The following CPNE8 variants were observed in gnomAD, a reference collection of about 807,000 sequenced individuals.
The protein encoded by CPNE8 is copine-8.
A neutral mutation model predicts 81.5 loss-of-function variants in CPNE8; 45 were observed. The observed-to-expected ratio is 0.55, with a 90% CI of 0.44 to 0.71. The LOEUF (loss-of-function observed/expected upper bound fraction) is 0.71, where lower values mean the gene tolerates loss of function less well. Among genes scored for constraint, CPNE8 ranks in the 30% least tolerant of loss-of-function variants. The probability of loss-of-function intolerance (pLI) is 0.00; values close to 1 mark genes in which losing one functional copy is unlikely to be tolerated. For missense variants in CPNE8, 594 were observed against 672.1 expected (o/e 0.88, Z 1.28); for synonymous variants, 252 against 226.3 (o/e 1.11, Z -1.02).
intron 19 of CPNE8, among the ~76,000 whole-genome samples, chr12:38,656,102 TA>T (rs34646191): frequency 1.8e-4 from 25 of 141,890 alleles, no homozygotes; most frequent in Admixed American, 2.1e-4. Context: ...ATCAAAGAGG[TA>T]AAAAAAAAAC....
At chr12:38,701,881 G>A (rs143382229) in intron 14 of CPNE8, among the ~76,000 whole-genome samples, 125 of 152,258 alleles carry the variant, frequency 8.2e-4, no homozygotes, top group African/African-American at 1.3e-3. Context: ...CAGAAAGAAC[G>A]TGACATGCAG....
chr12:38,711,634 A>G (rs747102914), intron 13 of CPNE8, among the ~76,000 whole-genome samples: 8 of 151,930 alleles, frequency 5.3e-5, no homozygotes, highest in Non-Finnish European at 1.0e-4. Context: ...ACGCCCAGAT[A>G]ACTGTTGTAT....
At chr12:38,660,121 G>C (rs1165641165) in intron 19 of CPNE8, among the ~76,000 whole-genome samples, 1 of 152,100 alleles carries the variant, frequency 6.6e-6, no homozygotes, top group Non-Finnish European at 1.5e-5. Flanking sequence ...CTACTTTAAA[G>C]TTCCTATGGA....
At chr12:38,678,245 C>T (rs868266443) in intron 16 of CPNE8, among the ~76,000 whole-genome samples, 8 of 151,730 alleles carry the variant, frequency 5.3e-5, no homozygotes, top group African/African-American at 1.5e-4. Context: ...AAAGATGAGA[C>T]GGAGAGTTAT....
chr12:38,825,380 T>C (rs2137014052), intron 6 of CPNE8, among the ~76,000 whole-genome samples: 1 of 152,076 alleles, frequency 6.6e-6, no homozygotes, highest in South Asian at 2.1e-4. Flanking sequence ...AGTTAAAAAG[T>C]AAAAAAAGTG....
intron 10 of CPNE8, among the ~76,000 whole-genome samples, chr12:38,737,737 G>C (rs1305064401): frequency 6.6e-6 from 1 of 151,952 alleles, no homozygotes; most frequent in Non-Finnish European, 1.5e-5. Context: ...CTGGAACACA[G>C]AGAGTCCATA....
chr12:38,850,114 C>T (rs900822037), intron 3 of CPNE8, among the ~76,000 whole-genome samples: 3 of 152,056 alleles, frequency 2.0e-5, no homozygotes, highest in African/African-American at 4.8e-5. Context: ...TGGCAGTGCT[C>T]GCGTACTTCA....
intron 1 of CPNE8, among the ~76,000 whole-genome samples, chr12:38,895,377 T>C (rs1390398681): frequency 6.6e-6 from 1 of 152,064 alleles, no homozygotes; most frequent in Non-Finnish European, 1.5e-5. Flanking sequence ...CACTGGTAAA[T>C]TTGAATGTCA....
At chr12:38,776,896 G>A (rs1941949635) in intron 6 of CPNE8, among the ~76,000 whole-genome samples, 1 of 152,200 alleles carries the variant, frequency 6.6e-6, no homozygotes, top group South Asian at 2.1e-4. Context: ...TGTGCTGCCA[G>A]TCATACAAAG....
chr12:38,883,466 A>C (rs987616371), intron 1 of CPNE8, among the ~76,000 whole-genome samples: 1 of 152,244 alleles, frequency 6.6e-6, no homozygotes, highest in African/African-American at 2.4e-5. Context: ...CACAGAAAAA[A>C]GCAAGAGAAT....
chr12:38,817,553 C>T (rs183470393), intron 6 of CPNE8, among the ~76,000 whole-genome samples: 2 of 147,368 alleles, frequency 1.4e-5, no homozygotes, highest in Admixed American at 6.8e-5. Flanking sequence ...GTAAATGATT[C>T]TGTATTACTA....
chr12:38,740,452 G>A (rs923386714), intron 10 of CPNE8, among the ~76,000 whole-genome samples: 7 of 152,168 alleles, frequency 4.6e-5, no homozygotes, highest in Non-Finnish European at 8.8e-5. Flanking sequence ...TGGTGAGAGA[G>A]GGCATCCCTG....
chr12:38,722,144 C>A (rs1940580559), intron 13 of CPNE8, among the ~76,000 whole-genome samples: 1 of 152,206 alleles, frequency 6.6e-6, no homozygotes, highest in Non-Finnish European at 1.5e-5. Context: ...TCCTGTAACA[C>A]TATTACCTAC....
intron 6 of CPNE8, among the ~76,000 whole-genome samples, chr12:38,782,617 T>G (rs1942079878): frequency 6.6e-6 from 1 of 151,872 alleles, no homozygotes; most frequent in Non-Finnish European, 1.5e-5. Context: ...AGAAAGTGAA[T>G]AGAATAAAGT....
chr12:38,826,720 T>A (rs965692014), intron 6 of CPNE8, among the ~76,000 whole-genome samples: 2 of 152,114 alleles, frequency 1.3e-5, no homozygotes, highest in African/African-American at 4.8e-5. Context: ...TAATATCAAA[T>A]TTTTAATATA....
intron 1 of CPNE8, among the ~76,000 whole-genome samples, chr12:38,895,861 T>A (rs58174482): frequency 0.053 from 8,091 of 152,180 alleles, 690 homozygotes; most frequent in African/African-American, 0.18. Flanking sequence ...GGTCATAAGC[T>A]TATGCTTAGG....
At chr12:38,716,496 A>T (rs917620582) in intron 13 of CPNE8, among the ~76,000 whole-genome samples, 2 of 152,108 alleles carry the variant, frequency 1.3e-5, no homozygotes, top group Admixed American at 6.6e-5. Context: ...AAAGCCAAAT[A>T]GAACTAACTG....
At chr12:38,669,187 C>T (rs1212413379) in intron 19 of CPNE8, among the ~76,000 whole-genome samples, 1 of 152,042 alleles carries the variant, frequency 6.6e-6, no homozygotes, top group Non-Finnish European at 1.5e-5. Context: ...GTATCAAGTA[C>T]TTTAGGTTGA....
intron 10 of CPNE8, among the ~76,000 whole-genome samples, chr12:38,748,250 A>G (rs961606020): frequency 6.6e-6 from 1 of 152,054 alleles, no homozygotes; most frequent in Admixed American, 6.6e-5. Flanking sequence ...ACCTCAAGTG[A>G]TCCGCCTGCC....
Sources: gnomAD v4.1 joint callset for allele counts (sites outside exome capture counted in the v4.1 genomes callset) on GRCh38, gnomAD v4.1.1 for gene constraint, MANE v1.5 for transcripts, NCBI Gene and HGNC (gene_info 2026-07-23, HGNC 2026-07-21) for gene names.